Variants in SH3YL1 observed in about 807,000 individuals in gnomAD.
SH3YL1 encodes the protein SH3 domain-containing YSC84-like protein 1.
Under a neutral mutation model 45.8 loss-of-function variants are expected in SH3YL1, and 41 were observed. The observed-to-expected ratio is 0.89, with a 90% CI of 0.70 to 1.16. The LOEUF (loss-of-function observed/expected upper bound fraction) is 1.16. Among genes scored for constraint, SH3YL1 ranks in the 50% most tolerant of loss-of-function variants. The pLI is 0.00. For missense variants in SH3YL1, 389 were observed against 409.6 expected (o/e 0.95, Z 0.43); for synonymous variants, 152 against 151.4 (o/e 1.00, Z -0.03).
intron 2 of SH3YL1, among the ~76,000 whole-genome samples, chr2:250,568 A>C (rs1252519216): frequency 6.6e-6 from 1 of 152,228 alleles, no homozygotes; most frequent in Non-Finnish European, 1.5e-5. Flanking sequence ...TTTACGACAC[A>C]ATAACACCTC....
intron 8 of SH3YL1, 76 bp downstream of exon 8, chr2:229,890 T>C (rs1199217805): frequency 8.5e-7 from 1 of 1,178,754 alleles, no homozygotes; most frequent in Admixed American, 1.9e-5. Context: ...TTTAACAATG[T>C]ATCTTGATTT....
At chr2:244,125 G>A (rs564052192) in intron 4 of SH3YL1, among the ~76,000 whole-genome samples, 5 of 152,026 alleles carry the variant, frequency 3.3e-5, no homozygotes, top group African/African-American at 7.2e-5. Flanking sequence ...GCTATTTTAC[G>A]GATAAAATGA....
At chr2:256,439 C>T (rs1669334336) in intron 1 of SH3YL1, 1 of 152,216 alleles carries the variant, frequency 6.6e-6, no homozygotes, top group Non-Finnish European at 1.5e-5. Flanking sequence ...CACCTGTAAT[C>T]CCAGCAATTT....
At chr2:246,566 A>T (rs1045252301) in intron 4 of SH3YL1, among the ~76,000 whole-genome samples, 3 of 112,370 alleles carry the variant, frequency 2.7e-5, no homozygotes, top group African/African-American at 6.9e-5. Context: ...TTCTACAAGG[A>T]GGGCCAGGGG....
intron 8 of SH3YL1, among the ~76,000 whole-genome samples, chr2:227,994 G>T (rs1318575337): frequency 6.6e-6 from 1 of 152,058 alleles, no homozygotes; most frequent in African/African-American, 2.4e-5. Context: ...AACATTAAAA[G>T]TAGTCACTAG....
chr2:246,519 C>T (rs1410455988), intron 4 of SH3YL1, among the ~76,000 whole-genome samples: 1 of 148,410 alleles, frequency 6.7e-6, no homozygotes, highest in African/African-American at 2.5e-5. Flanking sequence ...TGACTTAGCA[C>T]AGTTTAGCAG....
At chr2:251,700 A>C (rs953493213) in intron 2 of SH3YL1, among the ~76,000 whole-genome samples, 2 of 152,190 alleles carry the variant, frequency 1.3e-5, no homozygotes, top group African/African-American at 2.4e-5. Context: ...ACAAGCTCCC[A>C]GGGGATGCCA....
At chr2:239,840 G>A (rs1668465556) in intron 4 of SH3YL1, 1 of 152,222 alleles carries the variant, frequency 6.6e-6, no homozygotes, top group Non-Finnish European at 1.5e-5. Context: ...TGAAGAAAAT[G>A]AAGACACATT....
intron 4 of SH3YL1, among the ~76,000 whole-genome samples, chr2:235,125 C>T (rs1668230427): frequency 6.6e-6 from 1 of 152,212 alleles, no homozygotes; most frequent in Admixed American, 6.5e-5. Flanking sequence ...GATCCACCCA[C>T]CTCGGCCTCC....
intron 4 of SH3YL1, chr2:242,647 C>T: frequency 1.9e-6 from 2 of 1,073,948 alleles, no homozygotes; most frequent in Non-Finnish European, 2.4e-6. Flanking sequence ...GATATAAATC[C>T]AATGATATCA....
rs957525513 is a variant in SH3YL1 at position 264,027 on chromosome 2, G to A, written c.-43C>T. The A allele has an allele frequency of 1.4e-6, 2 of 1,395,674 alleles. No homozygotes were observed. Among genetic ancestry groups the A allele is most frequent in the African/African-American group, 1.5e-5 (1 of 66,072 alleles). The allele number at this position is 1,395,674 out of a possible 1,614,324, so 86.5% of individuals were successfully genotyped here. ...GGCGCCCCGTCCCGAGGCTGCCCAG[G>A]AAGAGGAAGGCGCGCTGCCCCGCCC... On this transcript the variant is annotated 5_prime_UTR_variant, in exon 1 of 10. Transcript: ENST00000356150.
intron 1 of SH3YL1, among the ~76,000 whole-genome samples, chr2:257,426 A>G (rs1438126029): frequency 6.6e-6 from 1 of 152,218 alleles, no homozygotes; most frequent in Non-Finnish European, 1.5e-5. Flanking sequence ...TCAATATTTG[A>G]GTCCTTGTAG....
chr2:225,268 G>GAGCC lies in SH3YL1; in HGVS notation c.782-352_782-349dup, dbSNP rs1302469342. ...TCATGGAAGGATTTACACTGCATAA[G>GAGCC]AGCCATTCACTAACTGCATCCACAT... On this transcript the variant is annotated intron_variant, in intron 8 of 9. Coordinates refer to ENST00000356150, the MANE Select transcript of SH3YL1 (RefSeq NM_015677.4). Among the ~76,000 whole-genome samples, 3 of 152,350 alleles carry GAGCC rather than the reference G, an allele frequency of 2.0e-5. No homozygotes were observed. The East Asian group carries it at 5.8e-4, about 29-fold the overall frequency.
At chr2:226,264 A>G (rs763158811) in intron 8 of SH3YL1, among the ~76,000 whole-genome samples, 4 of 152,222 alleles carry the variant, frequency 2.6e-5, no homozygotes, top group Non-Finnish European at 5.9e-5. Flanking sequence ...ATCAAAAGAA[A>G]AATGGTAAGT....
intron 9 of SH3YL1, among the ~76,000 whole-genome samples, chr2:222,010 C>T (rs1667601599): frequency 6.6e-6 from 1 of 152,148 alleles, no homozygotes; most frequent in South Asian, 2.1e-4. Flanking sequence ...GTAATGATTC[C>T]TTCCATGAAG....
At chr2:221,909 T>TA (rs1301541304) in intron 9 of SH3YL1, among the ~76,000 whole-genome samples, 1 of 152,138 alleles carries the variant, frequency 6.6e-6, no homozygotes, top group African/African-American at 2.4e-5. Flanking sequence ...CCAAATGACT[T>TA]AAAGTTCCTC....
intron 4 of SH3YL1, among the ~76,000 whole-genome samples, chr2:242,353 T>C (rs911198002): frequency 4.6e-5 from 7 of 152,060 alleles, no homozygotes; most frequent in African/African-American, 7.2e-5. Context: ...CATATATAGA[T>C]TTAATATGTA....
At position 233,308 on chromosome 2, in the gene SH3YL1, T is replaced by A. The variant is rs565474091; in HGVS notation, c.405-79A>T. On this transcript the variant is annotated intron_variant, in intron 5 of 9. Coordinates refer to ENST00000356150, the MANE Select transcript of SH3YL1 (RefSeq NM_015677.4). ...ATCACTATTTAAATAGCACTCCTTC[T>A]AGCTCAAATGAATTATTTTGTTCTG... 44 of 1,325,656 alleles carry A rather than the reference T, an allele frequency of 3.3e-5. 1 individual carries two copies. The East Asian group carries it at 1.1e-3, about 32-fold the overall frequency. 82.1% of individuals were successfully genotyped at this position (1,325,656 alleles called of 1,614,324 possible). A position where few individuals can be genotyped will look rare whatever the true frequency, so the allele number is the denominator to read the frequency against.
chr2:261,647 T>C (rs1225173658), intron 1 of SH3YL1, among the ~76,000 whole-genome samples: 2 of 152,186 alleles, frequency 1.3e-5, no homozygotes, highest in African/African-American at 4.8e-5. Flanking sequence ...AACTCAATGC[T>C]AGAGTCACTG....
Sources: allele counts gnomAD v4.1 joint callset (sites outside exome capture counted in the v4.1 genomes callset), GRCh38; gene constraint gnomAD v4.1.1; transcripts MANE v1.5; gene names NCBI Gene and HGNC (gene_info 2026-07-23, HGNC 2026-07-21).